AUH: variants seen among roughly 807,000 people sequenced by gnomAD.
AUH encodes AU RNA binding methylglutaconyl-CoA hydratase, also known as methylglutaconyl-CoA hydratase, mitochondrial.
A neutral mutation model predicts 42.3 loss-of-function variants in AUH; 29 were observed. The observed-to-expected ratio is 0.69, with a 90% confidence interval of 0.51 to 0.93. AUH has a LOEUF of 0.93. Ranked by LOEUF, AUH falls within the 40% of genes least tolerant of loss-of-function variation. The probability of loss-of-function intolerance (pLI) is 0.00; values close to 1 mark genes in which losing one functional copy is unlikely to be tolerated. For synonymous variants in AUH, 174 were observed against 166.4 expected, an observed-to-expected ratio of 1.05 and a Z score of -0.35; for missense variants, 452 against 438.1, an observed-to-expected ratio of 1.03 and a Z score of -0.28.
chr9:91,245,982 G>A (rs1828771480), intron 6 of AUH, among the ~76,000 whole-genome samples: 1 of 152,196 alleles, frequency 6.6e-6, no homozygotes, highest in Admixed American at 6.5e-5. Flanking sequence ...TAAAATGCCA[G>A]ACCCCTGTCC....
chr9:91,232,612 A>T (rs1827952098), intron 6 of AUH, among the ~76,000 whole-genome samples: 1 of 152,220 alleles, frequency 6.6e-6, no homozygotes, highest in Non-Finnish European at 1.5e-5. Context: ...CAGATCAGCA[A>T]GCAGAAACTG....
intron 6 of AUH, among the ~76,000 whole-genome samples, chr9:91,245,548 T>C (rs963004582): frequency 1.3e-5 from 2 of 151,776 alleles, no homozygotes; most frequent in Non-Finnish European, 2.9e-5. Context: ...AAAGCAAAAG[T>C]GAAAATAAAT....
intron 1 of AUH, among the ~76,000 whole-genome samples, chr9:91,359,416 G>T (rs1035393573): frequency 6.6e-6 from 1 of 151,934 alleles, no homozygotes; most frequent in Non-Finnish European, 1.5e-5. Flanking sequence ...TACATAAATG[G>T]ATCATATGTT....
At chr9:91,224,236 T>C (rs1014840095) in intron 6 of AUH, among the ~76,000 whole-genome samples, 2 of 152,362 alleles carry the variant, frequency 1.3e-5, no homozygotes, top group South Asian at 2.1e-4. Context: ...CATGTGCTTA[T>C]TGGCCATCCA....
At chr9:91,241,735 T>A (rs920211457) in intron 6 of AUH, among the ~76,000 whole-genome samples, 9 of 152,178 alleles carry the variant, frequency 5.9e-5, no homozygotes, top group Non-Finnish European at 8.8e-5. Flanking sequence ...AATACCTTGA[T>A]ATCTACAGAT....
At chr9:91,346,981 G>C (rs953025049) in intron 3 of AUH, among the ~76,000 whole-genome samples, 11 of 151,994 alleles carry the variant, frequency 7.2e-5, no homozygotes, top group Admixed American at 2.0e-4. Flanking sequence ...CTTTAGGAGT[G>C]CCAACCTCCT....
intron 6 of AUH, among the ~76,000 whole-genome samples, chr9:91,269,530 T>A (rs1414738762): frequency 6.6e-6 from 1 of 152,262 alleles, no homozygotes; most frequent in African/African-American, 2.4e-5. Flanking sequence ...ATGATTCTGC[T>A]AGTAATATTC....
At chr9:91,283,363 T>C (rs1587765988) in intron 6 of AUH, among the ~76,000 whole-genome samples, 2 of 152,128 alleles carry the variant, frequency 1.3e-5, no homozygotes, top group African/African-American at 2.4e-5. Context: ...TCATACTGAA[T>C]AGGCAAAAAC....
chr9:91,347,628 T>C (rs955781803), intron 3 of AUH, among the ~76,000 whole-genome samples: 2 of 152,212 alleles, frequency 1.3e-5, no homozygotes, highest in Admixed American at 6.5e-5. Context: ...AAGAGCTCTG[T>C]ACCAAGAACA....
At chr9:91,306,393 A>G in intron 4 of AUH, 1 of 985,182 alleles carries the variant, frequency 1.0e-6, no homozygotes, top group Non-Finnish European at 1.2e-6. Context: ...CTTGGCATTT[A>G]AAATGCTGCT....
Position 91,361,793 on chromosome 9 carries a change from C to G in AUH, c.97G>C (p.Gly33Arg). Residue 33 changes from glycine (G) to arginine (R), a missense_variant, in exon 1 of 10, where the codon GGG becomes CGG. By Grantham distance (125) the Gly-to-Arg change is moderately radical. Coordinates refer to ENST00000375731, the MANE Select transcript of AUH (RefSeq NM_001698.3). ...GCCAACGAGCCGGGCAGCCTCAACC[C>G]CGGGCAGAGCCACGCACTGCAAGCG... ...VAACSAWLCP[G>R]LRLPGSLAGR... The G allele has an allele frequency of 6.5e-7, 1 of 1,538,934 alleles. No homozygotes were observed.
At chr9:91,257,984 T>A (rs1173700466) in intron 6 of AUH, among the ~76,000 whole-genome samples, 1 of 152,210 alleles carries the variant, frequency 6.6e-6, no homozygotes, top group African/African-American at 2.4e-5. Flanking sequence ...TTGTGTTAAA[T>A]TTAAAGTATT....
At chr9:91,266,943 G>A (rs1830008298) in intron 6 of AUH, among the ~76,000 whole-genome samples, 1 of 152,190 alleles carries the variant, frequency 6.6e-6, no homozygotes, top group Non-Finnish European at 1.5e-5. Flanking sequence ...GACTGCTAGT[G>A]CACTCCGTGT....
intron 4 of AUH, among the ~76,000 whole-genome samples, chr9:91,320,109 A>T (rs1354640766): frequency 6.6e-6 from 1 of 152,194 alleles, no homozygotes; most frequent in African/African-American, 2.4e-5. Flanking sequence ...CACTTTAATC[A>T]AATCTCATAT....
chr9:91,295,013 G>A (rs1158923717), intron 6 of AUH, among the ~76,000 whole-genome samples: 1 of 152,166 alleles, frequency 6.6e-6, no homozygotes, highest in Non-Finnish European at 1.5e-5. Context: ...AGAGATCACT[G>A]AACCATGGAG....
chr9:91,328,479 T>C (rs1830108546), intron 3 of AUH, among the ~76,000 whole-genome samples: 1 of 152,084 alleles, frequency 6.6e-6, no homozygotes, highest in South Asian at 2.1e-4. Flanking sequence ...TCCCAAAACA[T>C]ACACTGAGTT....
chr9:91,274,732 G>A (rs1237419198), intron 6 of AUH, among the ~76,000 whole-genome samples: 2 of 152,152 alleles, frequency 1.3e-5, no homozygotes, highest in Non-Finnish European at 2.9e-5. Context: ...AGATAAGGAA[G>A]ATAAACATCT....
At chr9:91,228,970 C>T (rs1225700926) in intron 6 of AUH, among the ~76,000 whole-genome samples, 16 of 152,084 alleles carry the variant, frequency 1.1e-4, no homozygotes, top group Non-Finnish European at 4.4e-5. Flanking sequence ...AGCTTTACTT[C>T]CAAGAATGTG....
intron 6 of AUH, among the ~76,000 whole-genome samples, chr9:91,258,130 T>C (rs1829505540): frequency 6.6e-6 from 1 of 152,250 alleles, no homozygotes; most frequent in African/African-American, 2.4e-5. Context: ...ATTCACTTAT[T>C]AGTTCCAAAA....
Sources: gnomAD v4.1 joint callset for allele counts (sites outside exome capture counted in the v4.1 genomes callset) on GRCh38, gnomAD v4.1.1 for gene constraint, MANE v1.5 for transcripts, NCBI Gene and HGNC (gene_info 2026-07-23, HGNC 2026-07-21) for gene names.